FRMD5: variants seen among roughly 807,000 people sequenced by gnomAD.
FRMD5 encodes FERM domain containing 5, also known as FERM domain-containing protein 5.
In FRMD5, 20 loss-of-function variants were observed where a neutral mutation model predicts 69.0. The observed-to-expected ratio is 0.29, with a 90% confidence interval of 0.20 to 0.42. The LOEUF (loss-of-function observed/expected upper bound fraction) is 0.42. Among genes scored for constraint, FRMD5 ranks in the 10% least tolerant of loss-of-function variants. The pLI is 1.00. For missense variants in FRMD5, 595 were observed against 708.6 expected (o/e 0.84, Z 1.82); for synonymous variants, 271 against 260.1 (o/e 1.04, Z -0.40).
intron 1 of FRMD5, among the ~76,000 whole-genome samples, chr15:44,074,662 G>A (rs926053730): frequency 4.6e-5 from 7 of 151,950 alleles, no homozygotes; most frequent in Non-Finnish European, 1.0e-4. Context: ...ACTTTTTCCT[G>A]TACCAGGTTT....
At chr15:43,999,955 T>TATATATATATATATATATGCCATGC (rs1890121826) in intron 1 of FRMD5, among the ~76,000 whole-genome samples, 1 of 75,798 alleles carries the variant, frequency 1.3e-5, no homozygotes, top group African/African-American at 8.8e-5. Context: ...ATGCCATGCA[T>TATATATATATATATATATGCCATGC]ATATATATAT....
intron 1 of FRMD5, among the ~76,000 whole-genome samples, chr15:44,148,066 T>G (rs2077383310): frequency 6.6e-6 from 1 of 152,220 alleles, no homozygotes; most frequent in African/African-American, 2.4e-5. Flanking sequence ...ATCCAGCATT[T>G]CTTCACCAGC....
At chr15:44,193,318 G>T (rs749121232) in intron 1 of FRMD5, among the ~76,000 whole-genome samples, 14 of 151,982 alleles carry the variant, frequency 9.2e-5, no homozygotes, top group Non-Finnish European at 1.5e-4. Flanking sequence ...ATATGCTATT[G>T]GATAAATGCT....
At chr15:44,114,451 A>T (rs181620897) in intron 1 of FRMD5, among the ~76,000 whole-genome samples, 180 of 152,074 alleles carry the variant, frequency 1.2e-3, no homozygotes, top group Non-Finnish European at 2.2e-3. Context: ...ACCTAAACTG[A>T]CAAGATCTCC....
intron 1 of FRMD5, among the ~76,000 whole-genome samples, chr15:44,092,110 T>G (rs1566941611): frequency 6.6e-6 from 1 of 152,162 alleles, no homozygotes; most frequent in Non-Finnish European, 1.5e-5. Flanking sequence ...TAGGTTTCTT[T>G]CTTTTGGTCG....
In FRMD5 at chr15:43,944,951, A is replaced by ATCTT. The variant is rs370705444; in HGVS notation, c.103-20643_103-20642insAAGA. Among the ~76,000 whole-genome samples, 35 of 133,880 alleles carry ATCTT rather than the reference A, an allele frequency of 2.6e-4. No individual in the cohort carries two copies. The East Asian group carries it at 4.4e-3, about 17-fold the overall frequency. 87.8% of individuals were successfully genotyped at this position (133,880 alleles called of 152,430 possible). A position where few individuals can be genotyped will look rare whatever the true frequency, so the allele number is the denominator to read the frequency against. ...ACTGTGGGTTTCTATAAGTTTATTT[A>ATCTT]TTTATTTTTTTTTTTTTTGATAGAG... On this transcript the variant is annotated intron_variant, in intron 1 of 13. Coordinates refer to ENST00000417257, the MANE Select transcript of FRMD5 (RefSeq NM_032892.5).
chr15:43,995,964 G>A (rs1889901876), intron 1 of FRMD5, among the ~76,000 whole-genome samples: 2 of 151,992 alleles, frequency 1.3e-5, no homozygotes, highest in Non-Finnish European at 2.9e-5. Flanking sequence ...AGCTGCTGGA[G>A]TGTAGGGCTG....
At chr15:44,065,559 T>C (rs923014329) in intron 1 of FRMD5, among the ~76,000 whole-genome samples, 11 of 152,168 alleles carry the variant, frequency 7.2e-5, no homozygotes, top group African/African-American at 2.2e-4. Flanking sequence ...GAGTACGATC[T>C]AGTACACAGG....
intron 1 of FRMD5, among the ~76,000 whole-genome samples, chr15:44,099,590 C>G (rs2076607013): frequency 6.6e-6 from 1 of 152,146 alleles, no homozygotes; most frequent in Non-Finnish European, 1.5e-5. Flanking sequence ...TATTTTGATT[C>G]ATATCATTAT....
chr15:44,054,728 G>C (rs1234303815), intron 1 of FRMD5, among the ~76,000 whole-genome samples: 1 of 152,030 alleles, frequency 6.6e-6, no homozygotes, highest in African/African-American at 2.4e-5. Context: ...TTTTCAAAAA[G>C]GTAATACCAG....
intron 1 of FRMD5, among the ~76,000 whole-genome samples, chr15:44,059,751 G>A (rs1016607009): frequency 6.6e-6 from 1 of 151,904 alleles, no homozygotes; most frequent in Non-Finnish European, 1.5e-5. Flanking sequence ...TCCTGACCTC[G>A]TGATCCACCT....
At chr15:44,056,470 A>C (rs1892873750) in intron 1 of FRMD5, among the ~76,000 whole-genome samples, 1 of 152,220 alleles carries the variant, frequency 6.6e-6, no homozygotes, top group Non-Finnish European at 1.5e-5. Flanking sequence ...CCTACACAGA[A>C]ACCCAGGTAC....
At chr15:43,929,794 C>CTA (rs918336749) in intron 1 of FRMD5, among the ~76,000 whole-genome samples, 1 of 152,076 alleles carries the variant, frequency 6.6e-6, no homozygotes, top group Non-Finnish European at 1.5e-5. Context: ...TCTAGCTTAA[C>CTA]TATATATATT....
intron 1 of FRMD5, among the ~76,000 whole-genome samples, chr15:44,145,862 C>T (rs1407655295): frequency 6.6e-6 from 1 of 152,172 alleles, no homozygotes. Context: ...TCATTTTAAT[C>T]ATCCTTATTA....
chr15:43,930,872 A>T (rs2089663640), intron 1 of FRMD5, among the ~76,000 whole-genome samples: 1 of 152,296 alleles, frequency 6.6e-6, no homozygotes, highest in Middle Eastern at 3.4e-3. Flanking sequence ...AGGAAATGTC[A>T]TGGGAGGGAG....
chr15:43,984,251 G>A (rs1324191329), intron 1 of FRMD5, among the ~76,000 whole-genome samples: 1 of 152,178 alleles, frequency 6.6e-6, no homozygotes, highest in East Asian at 1.9e-4. Flanking sequence ...CTTCAGTTGT[G>A]AGAATATCTT....
In FRMD5 at chr15:43,883,719, G is replaced by A. The variant is rs767618573; in HGVS notation, c.1119C>T (p.His373=). ...CATGCTCACCTTCCATGATGGAGAT[G>A]TGAACAGCTCTTCTGCGGGTCCTGG... ...SVPRTRRRAV[H]ISIMEGLESL... Residue 373 remains histidine (H), a synonymous_variant, in exon 13 of 14, where the codon CAC becomes CAT. Coordinates refer to ENST00000417257, the MANE Select transcript of FRMD5 (RefSeq NM_032892.5). 6.2e-7 allele frequency: 1 copy of A among 1,612,052 alleles called. No individual in the cohort carries two copies. The highest frequency in any genetic ancestry group is 1.7e-5 in the Admixed American group (1 of 59,648).
chr15:43,987,135 A>G (rs1316260618), intron 1 of FRMD5, among the ~76,000 whole-genome samples: 1 of 152,176 alleles, frequency 6.6e-6, no homozygotes, highest in African/African-American at 2.4e-5. Flanking sequence ...AGACACCACA[A>G]TATGAGGAAA....
At chr15:44,127,175 C>CA (rs2077035258) in intron 1 of FRMD5, among the ~76,000 whole-genome samples, 1 of 152,220 alleles carries the variant, frequency 6.6e-6, no homozygotes, top group Non-Finnish European at 1.5e-5. Context: ...CTCCACCTCC[C>CA]AGGCTCAAGG....
Sources: gnomAD v4.1 joint callset for allele counts (sites outside exome capture counted in the v4.1 genomes callset) on GRCh38, gnomAD v4.1.1 for gene constraint, MANE v1.5 for transcripts, NCBI Gene and HGNC (gene_info 2026-07-23, HGNC 2026-07-21) for gene names.